The following MEF2B variants were observed in gnomAD, a reference collection of about 807,000 sequenced individuals.
MEF2B encodes the protein myocyte-specific enhancer factor 2B.
In MEF2B, 15 loss-of-function variants were observed where a neutral mutation model predicts 32.2. The ratio of observed to expected loss-of-function variants is 0.47; its 90% confidence interval spans 0.31 to 0.72. The LOEUF is 0.72. Among genes scored for constraint, MEF2B ranks in the 30% least tolerant of loss-of-function variants. The probability of loss-of-function intolerance (pLI) is 0.05; values close to 1 mark genes in which losing one functional copy is unlikely to be tolerated. For synonymous variants in MEF2B, 205 were observed against 225.6 expected, an observed-to-expected ratio of 0.91 and a Z score of 0.82; for missense variants, 441 against 511.5, an observed-to-expected ratio of 0.86 and a Z score of 1.33.
intron 1 of MEF2B, among the ~76,000 whole-genome samples, chr19:19,167,350 CA>C (rs34446494): frequency 0.29 from 28,508 of 98,242 alleles, 3,444 homozygotes; most frequent in Middle Eastern, 0.35. Context: ...GACTCTGTCT[CA>C]AAAAAAAAAA....
chr19:19,151,714 C>G (rs2060081839), intron 1 of MEF2B, among the ~76,000 whole-genome samples: 1 of 152,200 alleles, frequency 6.6e-6, no homozygotes, highest in Non-Finnish European at 1.5e-5. Context: ...CTCTGACCCT[C>G]AGGGCAGCCC....
chr19:19,149,680 G>A (rs1201716822), intron 2 of MEF2B, among the ~76,000 whole-genome samples: 1 of 152,006 alleles, frequency 6.6e-6, no homozygotes, highest in Non-Finnish European at 1.5e-5. Flanking sequence ...CCCAGTTCTG[G>A]GCCTCCCTCT....
In MEF2B at chr19:19,158,458, A is replaced by C. The variant is rs868493814; in HGVS notation, c.-29-7694T>G. Among the ~76,000 whole-genome samples, 8 of 151,116 alleles carry C rather than the reference A, an allele frequency of 5.3e-5. No individual in the cohort carries two copies. The South Asian group carries it at 1.3e-3, about 24-fold the overall frequency. ...AGACCCTGCCCCTAAAAAAAAAAAAAAAAACAAACTAGGGCCAGGCCAGGC... is the reference window on the plus strand; with the variant it reads ...AGACCCTGCCCCTAAAAAAAAAAAACAAAACAAACTAGGGCCAGGCCAGGC... On this transcript the variant is annotated intron_variant, in intron 1 of 8. Coordinates refer to ENST00000424583, the MANE Select transcript of MEF2B (RefSeq NM_001145785.2).
rs1246394080 is a variant in MEF2B at position 19,153,739 on chromosome 19, G to A, written c.-29-2975C>T. 7.2e-5 allele frequency among the ~76,000 whole-genome samples: 11 copies of A among 151,852 alleles called. No individual in the cohort carries two copies. The East Asian group carries it at 2.1e-3, about 29-fold the overall frequency. On this transcript the variant is annotated intron_variant, in intron 1 of 8. Coordinates refer to ENST00000424583, the MANE Select transcript of MEF2B (RefSeq NM_001145785.2). Reference sequence around the variant, plus strand: ...CCTAAAGTGCTGAGATTACAGGCGTGAGCCACCACGCCTGGCCATATTTAT... The same window carrying A: ...CCTAAAGTGCTGAGATTACAGGCGTAAGCCACCACGCCTGGCCATATTTAT...
intron 3 of MEF2B, among the ~76,000 whole-genome samples, chr19:19,148,613 A>G (rs892624191): frequency 3.9e-5 from 6 of 152,174 alleles, no homozygotes; most frequent in African/African-American, 1.4e-4. Flanking sequence ...TCCCAGGCCT[A>G]GTCCCAGCCC....
intron 2 of MEF2B, among the ~76,000 whole-genome samples, chr19:19,150,094 A>G (rs1364927580): frequency 6.8e-6 from 1 of 146,602 alleles, no homozygotes; most frequent in Non-Finnish European, 1.5e-5. Context: ...AAAAAAAAAA[A>G]AAAAAAAAAA....
chr19:19,147,056 G>T lies in MEF2B; in HGVS notation c.521C>A (p.Ala174Asp), dbSNP rs546865109. The T allele has an allele frequency of 1.9e-6, 3 of 1,605,386 alleles. No individual in the cohort carries two copies. The highest frequency in any genetic ancestry group is 2.7e-5 in the African/African-American group (2 of 74,612). The change falls in exon 5 of 9, where the codon GCC (alanine) becomes GAC (aspartate). Residue 174 changes from alanine (A) to aspartate (D), a missense_variant. This residue lies in a region of MEF2B where 326 missense variants were observed against 328.4 expected (regional missense o/e 0.99). Coordinates refer to ENST00000424583, the MANE Select transcript of MEF2B (RefSeq NM_001145785.2). ...QSRPSPFRPA[A>D]PKAGPPGLVH... Reference sequence around the variant, plus strand: ...CTCACCTGGGGGCCCGGCTTTGGGGGCTGCTGGTCGGAAGGGAGATGGGCG... The same window carrying T: ...CTCACCTGGGGGCCCGGCTTTGGGGTCTGCTGGTCGGAAGGGAGATGGGCG...
chr19:19,156,131 CT>C lies in MEF2B; in HGVS notation c.-29-5368del, dbSNP rs1169247327. 5.3e-4 allele frequency among the ~76,000 whole-genome samples: 81 copies of C among 152,254 alleles called. 1 individual carries two copies. The highest frequency in any genetic ancestry group is 1.9e-3 in the African/African-American group (79 of 41,550). On this transcript the variant is annotated intron_variant, in intron 1 of 8. Transcript: ENST00000424583. The stretch of plus-strand genomic sequence containing the variant: ...ACCTTCCTACTCCTTTCATTGCACC[CT>C]CATACTTAGCGTTTATTAAGTATCA...
chr19:19,146,293 G>T lies in MEF2B; in HGVS notation c.861C>A (p.Pro287=). The T allele has an allele frequency of 1.5e-6, 2 of 1,332,258 alleles. No individual in the cohort carries two copies. The highest frequency in any genetic ancestry group is 1.5e-5 in the African/African-American group (1 of 65,666). 82.5% of individuals were successfully genotyped at this position (1,332,258 alleles called of 1,614,324 possible). A position where few individuals can be genotyped will look rare whatever the true frequency, so the allele number is the denominator to read the frequency against. ...CTTACCTGGGCTGGGAGGACACGGC[G>T]GGGGGCCCATCACCCCTCGAGGGCT... ...PWQPSRGDGP[P]AVSSQPSGGR... The change falls in exon 8 of 9, where the codon CCC becomes CCA. Residue 287 remains proline (P), a synonymous_variant. Transcript: ENST00000424583.
chr19:19,167,527 C>CAAAA (rs538496705), intron 1 of MEF2B, among the ~76,000 whole-genome samples: 5 of 151,272 alleles, frequency 3.3e-5, no homozygotes, highest in South Asian at 2.1e-4. Context: ...GTCTCAAAAA[C>CAAAA]AAAGAAAGAA....
intron 1 of MEF2B, among the ~76,000 whole-genome samples, chr19:19,153,000 G>A (rs1246864095): frequency 6.6e-6 from 1 of 152,216 alleles, no homozygotes. Context: ...AGCCGGAATC[G>A]GGCCTGTTCC....
chr19:19,160,167 A>G (rs1012146213), intron 1 of MEF2B, among the ~76,000 whole-genome samples: 5 of 151,842 alleles, frequency 3.3e-5, no homozygotes, highest in African/African-American at 1.2e-4. Flanking sequence ...GCGGGGTTTC[A>G]GCATGTTGGC....
At chr19:19,147,867 C>T in intron 3 of MEF2B, 35 bp from the exon 4 acceptor site, 2 of 1,592,922 alleles carry the variant, frequency 1.3e-6, no homozygotes, top group South Asian at 1.1e-5. Context: ...TAGACCCTTA[C>T]CCCTACCCCA....
chr19:19,154,881 C>T (rs1272191533), intron 1 of MEF2B, among the ~76,000 whole-genome samples: 1 of 152,210 alleles, frequency 6.6e-6, no homozygotes, highest in Non-Finnish European at 1.5e-5. Flanking sequence ...TCCGTCTTGA[C>T]AGAGACTGGG....
intron 1 of MEF2B, among the ~76,000 whole-genome samples, chr19:19,161,464 G>A (rs2060162310): frequency 6.6e-6 from 1 of 151,658 alleles, no homozygotes; most frequent in African/African-American, 2.4e-5. Context: ...TTCACGATAC[G>A]CCAAACCCCC....
intron 1 of MEF2B, among the ~76,000 whole-genome samples, chr19:19,168,271 T>C (rs1380914187): frequency 1.5e-4 from 21 of 141,626 alleles, no homozygotes; most frequent in African/African-American, 2.6e-4. Flanking sequence ...CTTTCTTCTT[T>C]TTTTTTTTTT....
At chr19:19,155,740 G>A (rs530042240) in intron 1 of MEF2B, among the ~76,000 whole-genome samples, 14 of 152,222 alleles carry the variant, frequency 9.2e-5, no homozygotes, top group Non-Finnish European at 1.5e-4. Flanking sequence ...GCCCAGAGCC[G>A]CAGACAGACC....
rs770091123 is a variant in MEF2B, at chr19:19,150,792, G to A, written c.-29-28C>T. 12 of 1,613,502 alleles carry A rather than the reference G, an allele frequency of 7.4e-6. No homozygotes were observed. The Admixed American group carries it at 1.2e-4, about 16-fold the overall frequency. ...AGGAGGAGAAGAGGGAGAGGACAGA[G>A]TGAGTGGGTGGAGAGTGGGGAGGGG... On this transcript the variant is annotated intron_variant, in intron 1 of 8. Transcript: ENST00000424583.
chr19:19,162,755 C>T (rs1599733696), intron 1 of MEF2B, among the ~76,000 whole-genome samples: 1 of 152,212 alleles, frequency 6.6e-6, no homozygotes. Flanking sequence ...ACTCCAGGAT[C>T]CCATTTTGGC....
Sources: allele counts gnomAD v4.1 joint callset (sites outside exome capture counted in the v4.1 genomes callset), GRCh38; gene constraint gnomAD v4.1.1; regional missense constraint gnomAD v4.1.1; transcripts MANE v1.5; gene names NCBI Gene and HGNC (gene_info 2026-07-23, HGNC 2026-07-21).